The following USP42 variants were observed in gnomAD, a reference collection of about 807,000 sequenced individuals.
USP42 encodes the protein ubiquitin specific peptidase 42.
A neutral mutation model predicts 113.0 loss-of-function variants in USP42; 23 were observed. That is an observed-to-expected ratio of 0.20 (90% CI 0.15 to 0.29). The LOEUF (loss-of-function observed/expected upper bound fraction) is 0.29, where lower values mean the gene tolerates loss of function less well. Among genes scored for constraint, USP42 ranks in the 10% least tolerant of loss-of-function variants. The probability of loss-of-function intolerance (pLI) is 1.00; values close to 1 mark genes in which losing one functional copy is unlikely to be tolerated. For missense variants in USP42, 2,174 were observed against 1,779.8 expected (o/e 1.22, Z -3.99); for synonymous variants, 933 against 699.0 (o/e 1.33, Z -5.28).
At chr7:6,124,456 G>A (rs549238875) in intron 3 of USP42, among the ~76,000 whole-genome samples, 2 of 151,550 alleles carry the variant, frequency 1.3e-5, no homozygotes, top group South Asian at 4.2e-4. Context: ...AGTAGAGATG[G>A]GGTTTCACCA....
upstream of USP42, among the ~76,000 whole-genome samples, chr7:6,104,409 A>G (rs1030631097): frequency 6.6e-6 from 1 of 152,230 alleles, no homozygotes; most frequent in African/African-American, 2.4e-5. Context: ...AACAAAAAAT[A>G]AAGGCTGCGT....
Position 6,115,358 on chromosome 7 carries a change from C to A in USP42, c.277C>A (p.Leu93Ile), listed in dbSNP as rs1343173894. ...GDGIAPPQKV[L>I]FPSEKICLKW... ...TGGCATCGCTCCTCCACAGAAAGTT[C>A]TTTTCCCATCTGAGAAGATTTGTCT... is the stretch of plus-strand genomic sequence containing the variant. The change falls in exon 3 of 18, where the codon CTT (leucine) becomes ATT (isoleucine). Residue 93 changes from leucine to isoleucine, a missense_variant. Physicochemically the swap from Leu to Ile is conservative, Grantham distance 5. Transcript: ENST00000306177. 1 of 1,613,890 alleles carries A rather than the reference C, an allele frequency of 6.2e-7. No homozygotes were observed. Among genetic ancestry groups the A allele is most frequent in the Non-Finnish European group, 8.5e-7 (1 of 1,179,894 alleles).
intron 2 of USP42, chr7:6,112,006 A>G (rs1779623255): frequency 1.3e-5 from 2 of 152,366 alleles, no homozygotes; most frequent in Non-Finnish European, 2.9e-5. Flanking sequence ...TAGTTATTCT[A>G]GTTTCCTAAG....
chr7:6,100,315 G>T (rs912026428), upstream of USP42, among the ~76,000 whole-genome samples: 1 of 150,144 alleles, frequency 6.7e-6, no homozygotes, highest in South Asian at 2.1e-4. Context: ...ATTGCCTGGA[G>T]ATTTATTTAT....
intron 12 of USP42, 122 bp downstream of exon 12, chr7:6,148,014 T>A (rs1310513505): frequency 4.6e-6 from 5 of 1,088,690 alleles, no homozygotes; most frequent in African/African-American, 3.1e-5. Flanking sequence ...TCTCACAGTT[T>A]AATCAAACCC....
intron 12 of USP42, among the ~76,000 whole-genome samples, chr7:6,148,618 T>G (rs1490168174): frequency 1.3e-5 from 2 of 152,236 alleles, no homozygotes; most frequent in Non-Finnish European, 2.9e-5. Context: ...TCCCTGTTGG[T>G]CCTGTCGGGG....
chr7:6,152,931 G>A (rs1782157801), intron 14 of USP42: 1 of 985,130 alleles, frequency 1.0e-6, no homozygotes, highest in African/African-American at 1.8e-5. Context: ...AGGAGGCCCT[G>A]TCATCACTGG....
chr7:6,115,574 C>G, intron 3 of USP42, 51 bp downstream of exon 3: 2 of 1,578,272 alleles, frequency 1.3e-6, no homozygotes, highest in South Asian at 2.2e-5. Context: ...AACCTACTTT[C>G]ATTTTTTCCT....
intron 1 of USP42, among the ~76,000 whole-genome samples, chr7:6,109,067 G>A (rs1180166227): frequency 6.6e-6 from 1 of 152,190 alleles, no homozygotes; most frequent in African/African-American, 2.4e-5. Flanking sequence ...GTGCTGTGGG[G>A]GCCTTGAGGA....
At chr7:6,100,509 T>C (rs1790089089), upstream of USP42, among the ~76,000 whole-genome samples, 1 of 150,508 alleles carries the variant, frequency 6.6e-6, no homozygotes, top group Non-Finnish European at 1.5e-5. Context: ...TTTGTATTTT[T>C]AGTAGAGACG....
At chr7:6,137,870 G>A (rs372690806) in intron 4 of USP42, among the ~76,000 whole-genome samples, 16 of 152,076 alleles carry the variant, frequency 1.1e-4, no homozygotes, top group African/African-American at 3.9e-4. Flanking sequence ...TAGTAGAGAT[G>A]GGGTTTCACC....
rs1302481406 is a variant in USP42 at position 6,114,403 on chromosome 7, C to A, written c.242-920C>A. Among the ~76,000 whole-genome samples the A allele has an allele frequency of 3.3e-5, 5 of 151,808 alleles. No homozygotes were observed. In the East Asian group the frequency reaches 7.7e-4, roughly 23 times the overall value. ...AATGAACTCTCATGTAGCCGTCAAC[C>A]AACTTTGACATTTATCAACTTACGG... On this transcript the variant is annotated intron_variant, in intron 2 of 17. Coordinates refer to ENST00000306177, the MANE Select transcript of USP42 (RefSeq NM_032172.3).
rs1447027420 is a variant in USP42 at position 6,154,369 on chromosome 7, A to G, written c.2815A>G (p.Lys939Glu). Reference sequence around the variant, plus strand: ...GAAAGCCCCAGGCCCTTCCCCAGCGAAGGAGAAAATCGGCAGCCTCAGAAA... The same window carrying G: ...GAAAGCCCCAGGCCCTTCCCCAGCGGAGGAGAAAATCGGCAGCCTCAGAAA... Reference protein sequence around the residue: ...APKAPGPSPAKEKIGSLRKVD... With the variant: ...APKAPGPSPAEEKIGSLRKVD... The change falls in exon 15 of 18, where the codon AAG becomes GAG. Residue 939 changes from lysine to glutamate, a missense_variant. By Grantham distance (56) the Lys-to-Glu change is moderately conservative. Coordinates refer to ENST00000306177, the MANE Select transcript of USP42 (RefSeq NM_032172.3). 3 of 1,576,172 alleles carry G rather than the reference A, an allele frequency of 1.9e-6. No homozygotes were observed. The highest frequency in any genetic ancestry group is 2.6e-6 in the Non-Finnish European group (3 of 1,162,604).
chr7:6,100,291 T>C (rs890996351), upstream of USP42, among the ~76,000 whole-genome samples: 3 of 150,738 alleles, frequency 2.0e-5, no homozygotes, highest in African/African-American at 7.5e-5. Context: ...TGCCCAGCTG[T>C]GAGTGTCCCA....
At chr7:6,093,952 C>T in the USP42 span, among the ~76,000 whole-genome samples, 1 of 147,122 alleles carries the variant, frequency 6.8e-6, no homozygotes, top group Admixed American at 6.7e-5. Context: ...GTGCATGGCG[C>T]GATGTGGGCT....
At chr7:6,122,049 T>C (rs1384809440) in intron 3 of USP42, among the ~76,000 whole-genome samples, 3 of 152,124 alleles carry the variant, frequency 2.0e-5, no homozygotes, top group Non-Finnish European at 4.4e-5. Flanking sequence ...GTTACAGTTT[T>C]CTGTTTCATT....
chr7:6,122,254 A>G (rs989653104), intron 3 of USP42, among the ~76,000 whole-genome samples: 11 of 150,960 alleles, frequency 7.3e-5, no homozygotes, highest in African/African-American at 2.2e-4. Context: ...GTTGTATCCC[A>G]GATATGTTGA....
chr7:6,153,473 G>A (rs79020767), intron 14 of USP42, among the ~76,000 whole-genome samples: 10,187 of 152,046 alleles, frequency 0.067, 591 homozygotes, highest in East Asian at 0.27. Context: ...TCCAGAGATA[G>A]TAGTACTAGC....
chr7:6,152,487 C>T (rs1583680767), intron 14 of USP42, among the ~76,000 whole-genome samples: 1 of 152,222 alleles, frequency 6.6e-6, no homozygotes, highest in African/African-American at 2.4e-5. Context: ...CTGTGGCAAC[C>T]CCAGAATGGC....
Sources: allele counts gnomAD v4.1 joint callset (sites outside exome capture counted in the v4.1 genomes callset), GRCh38; gene constraint gnomAD v4.1.1; transcripts MANE v1.5; gene names NCBI Gene and HGNC (gene_info 2026-07-23, HGNC 2026-07-21).